The following ADGRL3 variants were observed in gnomAD, a reference collection of about 807,000 sequenced individuals.
The protein encoded by ADGRL3 is calcium-independent alpha-latrotoxin receptor 3.
A neutral mutation model predicts 153.5 loss-of-function variants in ADGRL3; 62 were observed. The observed-to-expected ratio is 0.40, with a 90% CI of 0.33 to 0.50. The LOEUF (loss-of-function observed/expected upper bound fraction) is 0.50, where lower values mean the gene tolerates loss of function less well. Among genes scored for constraint, ADGRL3 ranks in the 20% least tolerant of loss-of-function variants. The probability of loss-of-function intolerance (pLI) is 0.47; values close to 1 mark genes in which losing one functional copy is unlikely to be tolerated. For missense variants in ADGRL3, 1,641 were observed against 1,859.4 expected (o/e 0.88, Z 2.16); for synonymous variants, 710 against 672.5 (o/e 1.06, Z -0.86).
At chr4:61,361,586 C>A (rs992131505) in intron 1 of ADGRL3, among the ~76,000 whole-genome samples, 3 of 152,122 alleles carry the variant, frequency 2.0e-5, no homozygotes, top group Non-Finnish European at 4.4e-5. Flanking sequence ...GTAATGATAT[C>A]CACTTTCACG....
chr4:62,049,928 G>T (rs987229285), intron 25 of ADGRL3, among the ~76,000 whole-genome samples: 4 of 152,056 alleles, frequency 2.6e-5, no homozygotes, highest in East Asian at 1.9e-4. Flanking sequence ...ATTGCTTACA[G>T]CAGGGCCTGG....
intron 2 of ADGRL3, among the ~76,000 whole-genome samples, chr4:61,480,095 C>T (rs2098116231): frequency 6.6e-6 from 1 of 152,088 alleles, no homozygotes; most frequent in Non-Finnish European, 1.5e-5. Flanking sequence ...AATGGTAGTA[C>T]TACCATACTG....
At chr4:61,701,413 A>G (rs1476826508) in intron 6 of ADGRL3, among the ~76,000 whole-genome samples, 3 of 150,652 alleles carry the variant, frequency 2.0e-5, no homozygotes, top group Non-Finnish European at 4.4e-5. Flanking sequence ...AGATATCAGA[A>G]GCACATTAAA....
intron 1 of ADGRL3, among the ~76,000 whole-genome samples, chr4:61,369,293 T>C (rs2096472135): frequency 1.3e-5 from 2 of 152,222 alleles, no homozygotes; most frequent in Admixed American, 1.3e-4. Flanking sequence ...AGAGAGGGCA[T>C]CCCTGTCTTA....
At chr4:62,006,602 G>C (rs1270916023) in intron 21 of ADGRL3, among the ~76,000 whole-genome samples, 1 of 140,654 alleles carries the variant, frequency 7.1e-6, no homozygotes, top group South Asian at 2.3e-4. Flanking sequence ...TTTGCATTTA[G>C]TGTTACTTAT....
intron 2 of ADGRL3, among the ~76,000 whole-genome samples, chr4:61,470,135 A>G (rs2097929060): frequency 6.6e-6 from 1 of 152,082 alleles, no homozygotes; most frequent in African/African-American, 2.4e-5. Context: ...GTAAACATTA[A>G]CATAATTTGC....
intron 5 of ADGRL3, among the ~76,000 whole-genome samples, chr4:61,657,155 C>T (rs569290221): frequency 3.7e-4 from 57 of 152,248 alleles, no homozygotes; most frequent in East Asian, 1.9e-4. Flanking sequence ...TTAGAGTTCT[C>T]CATTTTCCCC....
At chr4:61,554,411 G>A (rs2098755971) in intron 4 of ADGRL3, among the ~76,000 whole-genome samples, 1 of 151,934 alleles carries the variant, frequency 6.6e-6, no homozygotes, top group Non-Finnish European at 1.5e-5. Context: ...GGTCAGGCTG[G>A]TCTCAAACTC....
intron 1 of ADGRL3, among the ~76,000 whole-genome samples, chr4:61,332,720 G>T (rs2150989753): frequency 6.6e-6 from 1 of 152,218 alleles, no homozygotes; most frequent in South Asian, 2.1e-4. Flanking sequence ...GCTGGTCAAT[G>T]CCGGTGACCA....
intron 4 of ADGRL3, among the ~76,000 whole-genome samples, chr4:61,567,316 T>G (rs1009654409): frequency 2.0e-5 from 3 of 152,190 alleles, no homozygotes; most frequent in African/African-American, 7.2e-5. Context: ...GCTGCTAAGT[T>G]CTGAATGTTT....
At chr4:61,494,626 T>C (rs979850168) in intron 2 of ADGRL3, among the ~76,000 whole-genome samples, 4 of 152,196 alleles carry the variant, frequency 2.6e-5, no homozygotes, top group African/African-American at 9.6e-5. Flanking sequence ...GAAAACAAAA[T>C]GAAAATGTTG....
intron 21 of ADGRL3, among the ~76,000 whole-genome samples, chr4:62,020,298 T>C (rs1222694073): frequency 6.6e-6 from 1 of 152,108 alleles, no homozygotes; most frequent in East Asian, 1.9e-4. Flanking sequence ...ATTCTCTTAG[T>C]GGAAAAAAGA....
At chr4:61,977,478 G>A (rs999312898) in intron 17 of ADGRL3, among the ~76,000 whole-genome samples, 8 of 152,052 alleles carry the variant, frequency 5.3e-5, no homozygotes, top group Non-Finnish European at 1.2e-4. Context: ...AGCATCCCCC[G>A]GAGAACAAAG....
intron 17 of ADGRL3, among the ~76,000 whole-genome samples, chr4:61,957,485 C>T (rs1260728465): frequency 1.3e-5 from 2 of 151,816 alleles, no homozygotes; most frequent in East Asian, 3.9e-4. Flanking sequence ...AGTAATCTCT[C>T]TATATAAAAG....
chr4:61,719,904 C>T (rs917395020), intron 6 of ADGRL3, among the ~76,000 whole-genome samples: 2 of 151,992 alleles, frequency 1.3e-5, no homozygotes, highest in Non-Finnish European at 2.9e-5. Flanking sequence ...CTCCCGCCCC[C>T]TGTCAGACAT....
At chr4:61,235,645 C>A (rs1012822332) in intron 1 of ADGRL3, among the ~76,000 whole-genome samples, 11 of 152,108 alleles carry the variant, frequency 7.2e-5, no homozygotes, top group Non-Finnish European at 1.5e-4. Flanking sequence ...AAAATAAGAG[C>A]TAGTTAAGTG....
chr4:61,332,302 T>G (rs934633996), intron 1 of ADGRL3, among the ~76,000 whole-genome samples: 2 of 152,160 alleles, frequency 1.3e-5, no homozygotes, highest in African/African-American at 4.8e-5. Context: ...AAGAAATCAC[T>G]GACAAATTGA....
chr4:61,845,016 G>A (rs968382202), intron 9 of ADGRL3, among the ~76,000 whole-genome samples: 4 of 152,112 alleles, frequency 2.6e-5, no homozygotes, highest in Non-Finnish European at 5.9e-5. Context: ...TGGGAAAGAT[G>A]GAAGGACTTT....
At chr4:62,046,208 A>G (rs1029511075) in intron 25 of ADGRL3, among the ~76,000 whole-genome samples, 2 of 151,930 alleles carry the variant, frequency 1.3e-5, no homozygotes, top group African/African-American at 4.8e-5. Context: ...TTGAATAATT[A>G]TTGATTAAAC....
Sources: allele counts gnomAD v4.1 joint callset (sites outside exome capture counted in the v4.1 genomes callset), GRCh38; gene constraint gnomAD v4.1.1; transcripts MANE v1.5; gene names NCBI Gene and HGNC (gene_info 2026-07-23, HGNC 2026-07-21).